Variants in SOX5 observed in about 807,000 individuals in gnomAD.
SOX5 encodes the protein transcription factor SOX-5.
Under a neutral mutation model 92.0 loss-of-function variants are expected in SOX5, and 9 were observed. That is an observed-to-expected ratio of 0.10 (90% confidence interval 0.06 to 0.17). SOX5 has a LOEUF of 0.17. SOX5 is among the 10% of genes least tolerant of loss of function. SOX5 has a pLI of 1.00. For synonymous variants in SOX5, 344 were observed against 336.3 expected (o/e 1.02, Z -0.25); for missense variants, 642 against 944.5 (o/e 0.68, Z 4.20).
chr12:23,600,138 ATT>A (rs1455837139), intron 9 of SOX5, among the ~76,000 whole-genome samples: 3 of 152,168 alleles, frequency 2.0e-5, no homozygotes, highest in South Asian at 2.1e-4. Flanking sequence ...CAATACCTCA[ATT>A]AAATAATTTT....
chr12:23,867,472 C>T (rs1285517205), intron 2 of SOX5, among the ~76,000 whole-genome samples: 1 of 152,060 alleles, frequency 6.6e-6, no homozygotes, highest in African/African-American at 2.4e-5. Flanking sequence ...GACTAACAGA[C>T]CTCTAAGACC....
intron 2 of SOX5, among the ~76,000 whole-genome samples, chr12:23,851,416 T>A (rs1016264105): frequency 6.6e-6 from 1 of 152,120 alleles, no homozygotes; most frequent in African/African-American, 2.4e-5. Context: ...ATAAAAGAGA[T>A]ACATTGAGGC....
intron 6 of SOX5, among the ~76,000 whole-genome samples, chr12:23,716,977 C>T (rs1254235702): frequency 6.6e-6 from 1 of 152,188 alleles, no homozygotes; most frequent in East Asian, 1.9e-4. Context: ...TGCTCCTGTG[C>T]TTGGCTCTTC....
At chr12:23,589,816 T>C (rs1395532206) in intron 9 of SOX5, among the ~76,000 whole-genome samples, 1 of 151,740 alleles carries the variant, frequency 6.6e-6, no homozygotes, top group East Asian at 1.9e-4. Context: ...ACCATTGACC[T>C]TTGATCATGT....
At chr12:24,056,801 C>G (rs1367807827) in intron 4 of SOX5, among the ~76,000 whole-genome samples, 4 of 149,672 alleles carry the variant, frequency 2.7e-5, no homozygotes, top group Non-Finnish European at 5.9e-5. Flanking sequence ...CGGTGAAACC[C>G]CGTCTCTACT....
chr12:24,413,368 C>G (rs774043539), intron 1 of SOX5, among the ~76,000 whole-genome samples: 2 of 152,154 alleles, frequency 1.3e-5, no homozygotes, highest in Non-Finnish European at 2.9e-5. Context: ...AACATAGCAA[C>G]TCCCACTTTC....
intron 3 of SOX5, among the ~76,000 whole-genome samples, chr12:23,817,809 T>C (rs1341946514): frequency 6.6e-6 from 1 of 152,172 alleles, no homozygotes; most frequent in Non-Finnish European, 1.5e-5. Flanking sequence ...TCACCAAAAA[T>C]AACATAGTTA....
intron 4 of SOX5, among the ~76,000 whole-genome samples, chr12:24,104,366 C>T (rs1211408632): frequency 6.6e-6 from 1 of 151,962 alleles, no homozygotes; most frequent in Non-Finnish European, 1.5e-5. Context: ...ACTTATTTTC[C>T]CATTGGAAAG....
At chr12:24,497,357 C>T (rs931348437) in intron 1 of SOX5, among the ~76,000 whole-genome samples, 5 of 152,138 alleles carry the variant, frequency 3.3e-5, no homozygotes, top group Non-Finnish European at 5.9e-5. Flanking sequence ...TGGAACCTTC[C>T]TAAGATGCCA....
At chr12:24,330,013 ACT>A (rs899792643) in intron 2 of SOX5, among the ~76,000 whole-genome samples, 1 of 152,108 alleles carries the variant, frequency 6.6e-6, no homozygotes, top group African/African-American at 2.4e-5. Context: ...ACAGAGTGAG[ACT>A]CTCTCTCAAA....
intron 4 of SOX5, among the ~76,000 whole-genome samples, chr12:23,957,585 C>G (rs1298143478): frequency 6.6e-6 from 1 of 152,138 alleles, no homozygotes; most frequent in Non-Finnish European, 1.5e-5. Flanking sequence ...TGTTAGAAAT[C>G]CTGACAGGCA....
At position 23,624,714 on chromosome 12, in the gene SOX5, T is replaced by C. The variant is rs145278698; in HGVS notation, c.1017+16098A>G. Among the ~76,000 whole-genome samples the C allele has an allele frequency of 3.3e-4, 50 of 152,250 alleles. 1 individual carries two copies. The highest frequency in any genetic ancestry group is 1.4e-3 in the Admixed American group (21 of 15,292). On this transcript the variant is annotated intron_variant, in intron 8 of 14. Coordinates refer to ENST00000451604, the MANE Select transcript of SOX5 (RefSeq NM_006940.6). ...GGTTGTCAAGGAGATCAAGAGAATT[T>C]TGGGGGTTGATGGAACTGTCCCATA...
intron 9 of SOX5, among the ~76,000 whole-genome samples, chr12:23,579,061 G>C (rs963009261): frequency 1.3e-5 from 2 of 152,320 alleles, no homozygotes; most frequent in South Asian, 4.1e-4. Context: ...TGTATAGTGA[G>C]GGGGGAATGG....
At chr12:23,762,088 G>A (rs1025492958) in intron 3 of SOX5, among the ~76,000 whole-genome samples, 1 of 152,058 alleles carries the variant, frequency 6.6e-6, no homozygotes, top group Non-Finnish European at 1.5e-5. Context: ...CAATATTAGG[G>A]AGCAAATATT....
chr12:24,391,172 T>G (rs767748088), intron 1 of SOX5, among the ~76,000 whole-genome samples: 9 of 152,130 alleles, frequency 5.9e-5, no homozygotes, highest in Non-Finnish European at 1.2e-4. Flanking sequence ...TCTCTGATGA[T>G]TAGTGATGTT....
At chr12:24,431,766 G>A (rs1362741937) in intron 1 of SOX5, among the ~76,000 whole-genome samples, 1 of 152,138 alleles carries the variant, frequency 6.6e-6, no homozygotes, top group East Asian at 1.9e-4. Context: ...TAACAGAGAA[G>A]TAAAATGCAA....
intron 2 of SOX5, among the ~76,000 whole-genome samples, chr12:24,296,092 C>T (rs524867): frequency 0.11 from 16,471 of 152,204 alleles, 1,199 homozygotes; most frequent in South Asian, 0.18. Context: ...TATCCTAACA[C>T]AGTGCTGAAA....
chr12:23,835,429 T>C (rs945249435), intron 3 of SOX5, among the ~76,000 whole-genome samples: 1 of 151,672 alleles, frequency 6.6e-6, no homozygotes, highest in Non-Finnish European at 1.5e-5. Flanking sequence ...GAGAATGGAG[T>C]CCTAAAATGT....
intron 3 of SOX5, among the ~76,000 whole-genome samples, chr12:23,812,243 A>G (rs1328641368): frequency 1.3e-5 from 2 of 152,090 alleles, no homozygotes; most frequent in Non-Finnish European, 2.9e-5. Flanking sequence ...CTAATGGTAT[A>G]TATTACTGTT....
Sources: allele counts gnomAD v4.1 joint callset (sites outside exome capture counted in the v4.1 genomes callset), GRCh38; gene constraint gnomAD v4.1.1; transcripts MANE v1.5; gene names NCBI Gene and HGNC (gene_info 2026-07-23, HGNC 2026-07-21).